Variants in MYO9B observed in about 807,000 individuals in gnomAD.
MYO9B encodes unconventional myosin-IXb.
MYO9B carries 71 observed loss-of-function variants against 229.5 expected under a neutral mutation model. The observed-to-expected ratio is 0.31, with a 90% confidence interval of 0.26 to 0.38. The LOEUF is 0.38. Among genes scored for constraint, MYO9B ranks in the 10% least tolerant of loss-of-function variants. The pLI, the probability that MYO9B is intolerant of heterozygous loss-of-function variation, is 1.00. For synonymous variants in MYO9B, 1,185 were observed against 1,235.8 expected, an observed-to-expected ratio of 0.96 and a Z score of 0.86; for missense variants, 2,255 against 2,920.5, an observed-to-expected ratio of 0.77 and a Z score of 5.25.
At chr19:17,196,012 G>A (rs547912306) in intron 22 of MYO9B, among the ~76,000 whole-genome samples, 6 of 151,990 alleles carry the variant, frequency 3.9e-5, no homozygotes, top group South Asian at 2.1e-4. Context: ...CATTCTCTGC[G>A]GTGGGGGCTG....
intron 1 of MYO9B, among the ~76,000 whole-genome samples, chr19:17,084,387 T>C (rs556049529): frequency 1.7e-3 from 254 of 151,664 alleles, no homozygotes; most frequent in Middle Eastern, 3.4e-3. Flanking sequence ...TGGTATTTAG[T>C]GTGAGGAAAG....
chr19:17,133,386 A>G (rs542892354), intron 2 of MYO9B, among the ~76,000 whole-genome samples: 2 of 152,164 alleles, frequency 1.3e-5, no homozygotes, highest in Admixed American at 1.3e-4. Flanking sequence ...CCTCCTCTCT[A>G]ATTGAAATTT....
At position 17,110,021 on chromosome 19, in the gene MYO9B, C is replaced by T. The variant is rs192034405; in HGVS notation, c.840+7464C>T. On this transcript the variant is annotated intron_variant, in intron 2 of 39. Transcript: ENST00000682292. ...GAACCCGGCCTGAGCCCCAGCCCCC[C>T]GTTCAGGCTGCCTCTCTGCTCTCCC... is the stretch of plus-strand genomic sequence containing the variant. Among the ~76,000 whole-genome samples, 119 of 152,314 alleles carry T rather than the reference C, an allele frequency of 7.8e-4. 1 individual carries two copies. Among genetic ancestry groups the T allele is most frequent in the African/African-American group, 2.7e-3 (111 of 41,576 alleles).
chr19:17,097,189 T>C (rs930636483), intron 1 of MYO9B, among the ~76,000 whole-genome samples: 3 of 151,616 alleles, frequency 2.0e-5, no homozygotes, highest in African/African-American at 7.3e-5. Flanking sequence ...GGCATGGTGG[T>C]GGGCCCCTGT....
At chr19:17,196,555 T>A (rs964768966) in intron 22 of MYO9B, among the ~76,000 whole-genome samples, 1 of 151,922 alleles carries the variant, frequency 6.6e-6, no homozygotes, top group Non-Finnish European at 1.5e-5. Context: ...TGGTGGCGCA[T>A]GCTTGTAATC....
Position 17,192,674 on chromosome 19 carries a change from T to C in MYO9B, c.2812-72T>C, listed in dbSNP as rs530056685. 126 of 1,378,744 alleles carry C rather than the reference T, an allele frequency of 9.1e-5. 1 individual carries two copies. The African/African-American group carries it at 1.6e-3, about 17-fold the overall frequency. The allele number at this position is 1,378,744 out of a possible 1,614,324, so 85.4% of individuals were successfully genotyped here. A position where few individuals can be genotyped will look rare whatever the true frequency, so the allele number is the denominator to read the frequency against. On this transcript the variant is annotated intron_variant, in intron 20 of 39. Coordinates refer to ENST00000682292, the MANE Select transcript of MYO9B (RefSeq NM_004145.4). ...CTAGGTCTCACTCTGGAGTGGGCTATGCAGACCTCCCAGGCACAGAGATGG... is the reference window on the plus strand; with the variant it reads ...CTAGGTCTCACTCTGGAGTGGGCTACGCAGACCTCCCAGGCACAGAGATGG...
Position 17,212,366 on chromosome 19 carries a change from G to A in MYO9B, c.*56G>A, listed in dbSNP as rs1414062358. The A allele has an allele frequency of 7.1e-7, 1 of 1,416,210 alleles. No individual in the cohort carries two copies. Among genetic ancestry groups the A allele is most frequent in the African/African-American group, 1.5e-5 (1 of 68,420 alleles). 87.7% of individuals were successfully genotyped at this position (1,416,210 alleles called of 1,614,324 possible). A position where few individuals can be genotyped will look rare whatever the true frequency, so the allele number is the denominator to read the frequency against. Reference sequence around the variant, plus strand: ...AGGACGGCCCCTGCACTGGAGCTGGGCGCCAGAGCTGCAGAGCTAGTGTTC... The same window carrying A: ...AGGACGGCCCCTGCACTGGAGCTGGACGCCAGAGCTGCAGAGCTAGTGTTC... On this transcript the variant is annotated 3_prime_UTR_variant, in exon 40 of 40. Transcript: ENST00000682292. The surrounding 1 kb of genome is among the most constrained non-coding windows in gnomAD (Gnocchi z 5.4).
At chr19:17,203,466 A>T (rs1446996438) in intron 30 of MYO9B, among the ~76,000 whole-genome samples, 1 of 151,968 alleles carries the variant, frequency 6.6e-6, no homozygotes, top group Non-Finnish European at 1.5e-5. Context: ...TACAAAAATT[A>T]TCTGGGCACA....
intron 2 of MYO9B, among the ~76,000 whole-genome samples, chr19:17,125,296 AT>A (rs756712852): frequency 2.6e-3 from 110 of 42,548 alleles, no homozygotes; most frequent in African/African-American, 4.3e-3. Context: ...GTAAAACCCC[AT>A]CCCCCCCCCC....
intron 1 of MYO9B, among the ~76,000 whole-genome samples, chr19:17,090,408 C>G (rs550904473): frequency 2.6e-5 from 4 of 152,168 alleles, no homozygotes; most frequent in Non-Finnish European, 5.9e-5. Context: ...GCCTTGGCCT[C>G]GCAAAGTGCT....
intron 15 of MYO9B, 81 bp from the exon 16 acceptor site, chr19:17,183,743 ACCCGC>A (rs2072886644): frequency 8.3e-7 from 1 of 1,203,172 alleles, no homozygotes; most frequent in Non-Finnish European, 1.2e-6. Flanking sequence ...TCTCAGTCTA[ACCCGC>A]CAGGCGTGGC....
intron 2 of MYO9B, among the ~76,000 whole-genome samples, chr19:17,142,105 G>A (rs770176853): frequency 6.6e-5 from 10 of 151,708 alleles, no homozygotes; most frequent in Non-Finnish European, 1.2e-4. Flanking sequence ...TTGAGGCCAC[G>A]AGGTCGAGGC....
chr19:17,151,170 TG>T (rs1274433483), intron 3 of MYO9B, among the ~76,000 whole-genome samples: 1 of 150,814 alleles, frequency 6.6e-6, no homozygotes, highest in African/African-American at 2.4e-5. Context: ...TCTCAGCTAC[TG>T]GAAGGCTGAG....
rs201506614 is a variant in MYO9B, at chr19:17,172,937, G to A, written c.2114G>A (p.Arg705Gln). The A allele has an allele frequency of 9.6e-5, 153 of 1,598,364 alleles. No homozygotes were observed. The African/African-American group carries it at 1.5e-3, about 15-fold the overall frequency. The change falls in exon 13 of 40, where the codon CGG becomes CAG. Residue 705 changes from arginine (R) to glutamine (Q), a missense_variant. Coordinates refer to ENST00000682292, the MANE Select transcript of MYO9B (RefSeq NM_004145.4). This position sits in a 1 kb window ranked among gnomAD's most constrained non-coding sequence, Gnocchi z 8.2. Reference protein sequence around the residue: ...MAVLREAGRLRAERAEKAAGM... With the variant: ...MAVLREAGRLQAERAEKAAGM... Reference sequence around the variant, plus strand: ...GTGCTTCGGGAGGCCGGACGCCTGCGGGCCGAGAGGGCCGAAAAGGCTGCA... The same window carrying A: ...GTGCTTCGGGAGGCCGGACGCCTGCAGGCCGAGAGGGCCGAAAAGGCTGCA...
At chr19:17,084,063 AGTGATTACATGCCTG>A (rs2057559504) in intron 1 of MYO9B, among the ~76,000 whole-genome samples, 1 of 151,924 alleles carries the variant, frequency 6.6e-6, no homozygotes, top group Non-Finnish European at 1.5e-5. Flanking sequence ...TTGGGGGCCA[AGTGATTACATGCCTG>A]TAATCCCAGC....
intron 11 of MYO9B, among the ~76,000 whole-genome samples, chr19:17,170,647 CAAAAA>C (rs55894910): frequency 4.5e-5 from 4 of 88,868 alleles, no homozygotes; most frequent in Non-Finnish European, 8.8e-5. Context: ...CCCATCTCTA[CAAAAA>C]AAAAAAAAAA....
intron 10 of MYO9B, among the ~76,000 whole-genome samples, chr19:17,166,419 CATTT>C (rs2072659900): frequency 1.3e-5 from 2 of 152,082 alleles, no homozygotes; most frequent in Non-Finnish European, 2.9e-5. Context: ...TACAATCATT[CATTT>C]ATCTAGTAAG....
chr19:17,212,244 C>T lies in MYO9B; in HGVS notation c.6408C>T (p.Ala2136=). The T allele has an allele frequency of 6.3e-7, 1 of 1,579,492 alleles. No homozygotes were observed. Residue 2136 remains alanine (A), a synonymous_variant, in exon 40 of 40, where the codon GCC becomes GCT. Transcript: ENST00000682292. This position sits in a 1 kb window ranked among gnomAD's most constrained non-coding sequence, Gnocchi z 5.4. ...PLEEDGQPPG[A]KRRYSDPPTY... ...AAGAGGATGGCCAGCCACCTGGGGCCAAGCGGAGGTACTCGGATCCCCCAA... is the reference window on the plus strand; with the variant it reads ...AAGAGGATGGCCAGCCACCTGGGGCTAAGCGGAGGTACTCGGATCCCCCAA...
chr19:17,186,318 C>G (rs922654972), intron 18 of MYO9B, among the ~76,000 whole-genome samples: 17 of 152,152 alleles, frequency 1.1e-4, no homozygotes, highest in African/African-American at 3.6e-4. Context: ...GATTACATAG[C>G]AGAGTCTCAG....
Sources: gnomAD v4.1 joint callset for allele counts (sites outside exome capture counted in the v4.1 genomes callset) on GRCh38, gnomAD v4.1.1 for gene constraint, Gnocchi (gnomAD v3.1) non-coding constraint, MANE v1.5 for transcripts, NCBI Gene and HGNC (gene_info 2026-07-23, HGNC 2026-07-21) for gene names.